Variants in SLC5A11 observed in about 807,000 individuals in gnomAD.
SLC5A11 encodes solute carrier family 5 member 11.
SLC5A11 carries 48 observed loss-of-function variants against 69.8 expected under a neutral mutation model. The ratio of observed to expected loss-of-function variants is 0.69; its 90% CI spans 0.55 to 0.87. The LOEUF (loss-of-function observed/expected upper bound fraction) is 0.87. Among genes scored for constraint, SLC5A11 ranks in the 40% least tolerant of loss-of-function variants. The pLI, the probability that SLC5A11 is intolerant of heterozygous loss-of-function variation, is 0.00. For missense variants in SLC5A11, 784 were observed against 866.1 expected, an observed-to-expected ratio of 0.91 and a Z score of 1.19; for synonymous variants, 319 against 342.4, an observed-to-expected ratio of 0.93 and a Z score of 0.75.
At chr16:24,860,700 T>C (rs1567580917) in intron 2 of SLC5A11, among the ~76,000 whole-genome samples, 1 of 151,976 alleles carries the variant, frequency 6.6e-6, no homozygotes, top group African/African-American at 2.4e-5. Flanking sequence ...ATCTCAAAGT[T>C]TTTTTTGTTT....
At chr16:24,905,578 C>T (rs970005675) in intron 10 of SLC5A11, among the ~76,000 whole-genome samples, 4 of 151,752 alleles carry the variant, frequency 2.6e-5, no homozygotes, top group African/African-American at 9.7e-5. Context: ...GCCAAGATGG[C>T]ACCACTGAAC....
intron 1 of SLC5A11, among the ~76,000 whole-genome samples, chr16:24,849,591 A>T (rs917188199): frequency 0.045 from 2,518 of 56,348 alleles, 39 homozygotes; most frequent in East Asian, 0.067. Context: ...AAAAAAAAAA[A>T]AAATATATAT....
intron 3 of SLC5A11, among the ~76,000 whole-genome samples, chr16:24,866,810 G>T (rs1397763716): frequency 6.6e-6 from 1 of 151,988 alleles, no homozygotes. Context: ...AATGATAAAA[G>T]GGTCAATCCC....
chr16:24,893,116 CAAAAAAAAAAAA>C (rs58331547), intron 9 of SLC5A11, among the ~76,000 whole-genome samples: 1 of 99,094 alleles, frequency 1.0e-5, no homozygotes, highest in African/African-American at 5.0e-5. Context: ...ACTAAAAATA[CAAAAAAAAAAAA>C]AAAAAAAAAA....
chr16:24,882,045 G>T (rs1372969244), intron 7 of SLC5A11, among the ~76,000 whole-genome samples: 3 of 152,184 alleles, frequency 2.0e-5, no homozygotes, highest in African/African-American at 4.8e-5. Flanking sequence ...ATGTGCCTGG[G>T]GCAGGGGAAA....
intron 2 of SLC5A11, among the ~76,000 whole-genome samples, chr16:24,860,738 T>C (rs2152262297): frequency 6.6e-6 from 1 of 152,190 alleles, no homozygotes; most frequent in African/African-American, 2.4e-5. Context: ...GACGGAGTCT[T>C]GCTGTCGCTC....
In SLC5A11 at chr16:24,858,776, T is replaced by C. The variant is rs558906716; in HGVS notation, c.133T>C (p.Trp45Arg). Residue 45 changes from tryptophan to arginine, a missense_variant and splice_region_variant, in exon 2 of 16, where the codon TGG (tryptophan) becomes CGG (arginine). Transcript: ENST00000347898. ...CCTCTTTGTCCTGGCTGTTGGACTA[T>C]GGGTAAGCCAGGCCACTGGGGGATG... 99 of 1,610,434 alleles carry C rather than the reference T, an allele frequency of 6.1e-5. No homozygotes were observed. In the East Asian group the frequency reaches 1.8e-3, roughly 29 times the overall value.
intron 3 of SLC5A11, among the ~76,000 whole-genome samples, chr16:24,867,928 T>G (rs969182139): frequency 2.6e-5 from 4 of 151,620 alleles, no homozygotes; most frequent in Non-Finnish European, 5.9e-5. Flanking sequence ...CCTGAACTCA[T>G]GAGTTTGAGA....
At chr16:24,856,304 T>C (rs1055412602) in intron 1 of SLC5A11, among the ~76,000 whole-genome samples, 1 of 152,108 alleles carries the variant, frequency 6.6e-6, no homozygotes, top group African/African-American at 2.4e-5. Flanking sequence ...TACCTTCAGA[T>C]TGCATAAAAT....
chr16:24,846,400 A>G (rs1435975952), exon 1 of SLC5A11: 1 of 152,266 alleles, frequency 6.6e-6, no homozygotes, highest in Admixed American at 6.5e-5. Context: ...GAAGCCACTG[A>G]CAGCCCCCAG....
chr16:24,876,833 G>A (rs1398177124), intron 6 of SLC5A11, among the ~76,000 whole-genome samples: 2 of 152,188 alleles, frequency 1.3e-5, no homozygotes, highest in Non-Finnish European at 2.9e-5. Flanking sequence ...GACTTGTTGA[G>A]AAACAGAGGG....
chr16:24,862,392 G>A (rs2046627569), intron 2 of SLC5A11, among the ~76,000 whole-genome samples: 1 of 152,202 alleles, frequency 6.6e-6, no homozygotes, highest in Non-Finnish European at 1.5e-5. Flanking sequence ...ACAAGTGGTA[G>A]GAGCTTTGTT....
intron 7 of SLC5A11, among the ~76,000 whole-genome samples, chr16:24,883,304 G>A (rs989508835): frequency 9.9e-5 from 15 of 152,268 alleles, no homozygotes; most frequent in Admixed American, 5.9e-4. Flanking sequence ...AGTCTAGGCT[G>A]CAGTGAGCTA....
intron 9 of SLC5A11, among the ~76,000 whole-genome samples, chr16:24,893,095 A>T (rs2048920438): frequency 7.1e-6 from 1 of 141,424 alleles, no homozygotes; most frequent in East Asian, 2.1e-4. Context: ...ACATGGCAAA[A>T]CCCTGTCTCT....
At chr16:24,886,180 A>G (rs1330013053) in intron 8 of SLC5A11, among the ~76,000 whole-genome samples, 5 of 151,998 alleles carry the variant, frequency 3.3e-5, no homozygotes, top group Admixed American at 6.6e-5. Context: ...GACTACGGAC[A>G]CACGCCACCA....
In SLC5A11 at chr16:24,858,623, C is replaced by T. The variant is rs1238757747; in HGVS notation, c.-21C>T. 1.9e-6 allele frequency: 3 copies of T among 1,596,126 alleles called. No individual in the cohort carries two copies. In the South Asian group the frequency reaches 3.4e-5, roughly 18 times the overall value. ...ACTGGCATTTGCCCTTCCTCAGGAT[C>T]CAGAGGTCTCGTTCAGGACCATGGA... On this transcript the variant is annotated 5_prime_UTR_variant, in exon 2 of 16. Coordinates refer to ENST00000347898, the Ensembl canonical transcript of SLC5A11.
At chr16:24,862,949 A>G (rs1025901892) in intron 3 of SLC5A11, among the ~76,000 whole-genome samples, 2 of 141,206 alleles carry the variant, frequency 1.4e-5, no homozygotes, top group African/African-American at 2.6e-5. Context: ...AAAATATATA[A>G]CATATAATTA....
chr16:24,883,583 G>A (rs553216608), intron 7 of SLC5A11, among the ~76,000 whole-genome samples: 5 of 152,166 alleles, frequency 3.3e-5, no homozygotes, highest in African/African-American at 9.7e-5. Flanking sequence ...ATTATAGTTC[G>A]GTGTTAGGTG....
intron 1 of SLC5A11, among the ~76,000 whole-genome samples, chr16:24,852,152 TTTTC>T (rs1439049453): frequency 6.6e-6 from 1 of 152,164 alleles, no homozygotes; most frequent in East Asian, 1.9e-4. Context: ...TTTCCCTCCT[TTTTC>T]TTTCATTATG....
Sources: allele counts gnomAD v4.1 joint callset (sites outside exome capture counted in the v4.1 genomes callset), GRCh38; gene constraint gnomAD v4.1.1; transcripts MANE v1.5; gene names NCBI Gene and HGNC (gene_info 2026-07-23, HGNC 2026-07-21).